The following GBE1 variants were observed in gnomAD, a reference collection of about 807,000 sequenced individuals.
GBE1 encodes the protein 1,4-alpha-glucan-branching enzyme.
GBE1 carries 70 observed loss-of-function variants against 88.8 expected under a neutral mutation model. That is an observed-to-expected ratio of 0.79 (90% confidence interval 0.65 to 0.96). The LOEUF (loss-of-function observed/expected upper bound fraction) is 0.96, where lower values mean the gene tolerates loss of function less well. GBE1 is among the 40% of genes least tolerant of loss of function. GBE1 has a pLI of 0.00. For synonymous variants in GBE1, 284 were observed against 300.1 expected (o/e 0.95, Z 0.56); for missense variants, 872 against 871.0 (o/e 1.00, Z -0.01).
At chr3:81,581,415 ACT>A (rs1328061899) in intron 10 of GBE1, 140 bp from the exon 11 acceptor site, 1 of 569,674 alleles carries the variant, frequency 1.8e-6, no homozygotes, top group African/African-American at 2.0e-5. Flanking sequence ...CAAAGTTATC[ACT>A]GTTTAAACTT....
At chr3:81,641,955 G>T (rs1420885438) in intron 7 of GBE1, among the ~76,000 whole-genome samples, 1 of 149,070 alleles carries the variant, frequency 6.7e-6, no homozygotes, top group Non-Finnish European at 1.5e-5. Context: ...TTTCAAATAT[G>T]TATATGTATT....
intron 1 of GBE1, 134 bp from the exon 2 acceptor site, chr3:81,705,747 T>A: frequency 1.9e-6 from 1 of 533,056 alleles, no homozygotes. Context: ...ATAAATAATT[T>A]CATTTATTAG....
At chr3:81,553,564 T>C (rs1234880450) in intron 12 of GBE1, among the ~76,000 whole-genome samples, 1 of 149,958 alleles carries the variant, frequency 6.7e-6, no homozygotes, top group Non-Finnish European at 1.5e-5. Flanking sequence ...GTAGACTATG[T>C]ATTCCTCATG....
rs1192688022 is a variant in GBE1, at chr3:81,761,395, G to A, written c.123C>T (p.Tyr41=). The A allele has an allele frequency of 1.9e-6, 3 of 1,612,532 alleles. No individual in the cohort carries two copies. Among genetic ancestry groups the A allele is most frequent in the Non-Finnish European group, 2.5e-6 (3 of 1,179,112 alleles). ...LLEIDPYLKP[Y]AVDFQRRYKQ... is the part of the protein sequence containing the mutation. Reference sequence around the variant, plus strand: ...GGTACCTGCGCTGGAAGTCCACGGCGTAGGGCTTCAAGTACGGGTCGATCT... The same window carrying A: ...GGTACCTGCGCTGGAAGTCCACGGCATAGGGCTTCAAGTACGGGTCGATCT... Residue 41 remains tyrosine, a synonymous_variant, in exon 1 of 16, where the codon TAC becomes TAT. Transcript: ENST00000429644.
chr3:81,721,243 G>GAAAAAA (rs1411695091), intron 1 of GBE1, among the ~76,000 whole-genome samples: 4 of 58,066 alleles, frequency 6.9e-5, no homozygotes, highest in Admixed American at 1.6e-4. Context: ...AAAAACACAT[G>GAAAAAA]AAAAAAAAAA....
At chr3:81,586,750 CAG>C (rs1703807526) in intron 9 of GBE1, among the ~76,000 whole-genome samples, 1 of 151,120 alleles carries the variant, frequency 6.6e-6, no homozygotes, top group South Asian at 2.1e-4. Flanking sequence ...GATATAGAAA[CAG>C]AGGTTTATTG....
At chr3:81,596,122 T>C (rs1040056589) in intron 7 of GBE1, among the ~76,000 whole-genome samples, 1 of 151,920 alleles carries the variant, frequency 6.6e-6, no homozygotes, top group East Asian at 1.9e-4. Context: ...TTTATGAGAG[T>C]AAACTATGTA....
At chr3:81,701,497 C>G (rs964165180) in intron 2 of GBE1, among the ~76,000 whole-genome samples, 1 of 151,590 alleles carries the variant, frequency 6.6e-6, no homozygotes, top group Non-Finnish European at 1.5e-5. Context: ...ATAAAAAGAC[C>G]TTTGCAAATA....
intron 3 of GBE1, among the ~76,000 whole-genome samples, chr3:81,663,661 G>A (rs1185090157): frequency 6.6e-6 from 1 of 152,172 alleles, no homozygotes; most frequent in Admixed American, 6.5e-5. Flanking sequence ...GTCTAATTGA[G>A]CTGGTTAACA....
chr3:81,675,002 T>C (rs1242642240), intron 2 of GBE1, among the ~76,000 whole-genome samples: 1 of 151,992 alleles, frequency 6.6e-6, no homozygotes, highest in Non-Finnish European at 1.5e-5. Flanking sequence ...ATGGATTTGT[T>C]AAAATACAGA....
intron 7 of GBE1, among the ~76,000 whole-genome samples, chr3:81,616,658 ATTGTT>A (rs1052502512): frequency 6.6e-5 from 10 of 152,064 alleles, no homozygotes; most frequent in Admixed American, 1.3e-4. Flanking sequence ...CTTTTACAAG[ATTGTT>A]TTAAGTGTTC....
At chr3:81,601,213 T>C (rs1165419756) in intron 7 of GBE1, among the ~76,000 whole-genome samples, 2 of 152,250 alleles carry the variant, frequency 1.3e-5, no homozygotes, top group Middle Eastern at 3.4e-3. Context: ...CTCCACCTGT[T>C]ACACAGCCTC....
intron 14 of GBE1, among the ~76,000 whole-genome samples, chr3:81,519,985 A>G (rs1702850963): frequency 6.6e-6 from 1 of 151,540 alleles, no homozygotes; most frequent in Admixed American, 6.6e-5. Flanking sequence ...TACCACCCCC[A>G]ACCACATGTA....
chr3:81,540,274 T>C (rs1703127677), intron 12 of GBE1, among the ~76,000 whole-genome samples: 1 of 151,966 alleles, frequency 6.6e-6, no homozygotes, highest in Non-Finnish European at 1.5e-5. Flanking sequence ...TGTTCACCCC[T>C]ACCCTCAATG....
chr3:81,608,597 C>G (rs1333015754), intron 7 of GBE1, among the ~76,000 whole-genome samples: 1 of 152,120 alleles, frequency 6.6e-6, no homozygotes, highest in Non-Finnish European at 1.5e-5. Context: ...TATTCAATGA[C>G]CCCCAAACAA....
chr3:81,632,114 C>A (rs1704521869), intron 7 of GBE1, among the ~76,000 whole-genome samples: 1 of 152,178 alleles, frequency 6.6e-6, no homozygotes, highest in Non-Finnish European at 1.5e-5. Flanking sequence ...CAGCTTCATC[C>A]ATGCCCCTGC....
intron 1 of GBE1, among the ~76,000 whole-genome samples, chr3:81,710,560 T>C (rs1705849916): frequency 6.6e-6 from 1 of 152,146 alleles, no homozygotes; most frequent in Non-Finnish European, 1.5e-5. Context: ...AATGTGACTC[T>C]GAATAAATCC....
chr3:81,521,836 A>T (rs1262881243), intron 14 of GBE1, among the ~76,000 whole-genome samples: 1 of 151,594 alleles, frequency 6.6e-6, no homozygotes, highest in African/African-American at 2.4e-5. Flanking sequence ...GGAAGATATG[A>T]CACAATACTA....
intron 9 of GBE1, among the ~76,000 whole-genome samples, chr3:81,589,787 T>C (rs1226217129): frequency 6.6e-6 from 1 of 152,030 alleles, no homozygotes; most frequent in Non-Finnish European, 1.5e-5. Context: ...TAAATATCAT[T>C]GACAAAATAA....
Sources: gnomAD v4.1 joint callset for allele counts (sites outside exome capture counted in the v4.1 genomes callset) on GRCh38, gnomAD v4.1.1 for gene constraint, MANE v1.5 for transcripts, NCBI Gene and HGNC (gene_info 2026-07-23, HGNC 2026-07-21) for gene names.